The following PSAP variants were observed in gnomAD, a reference collection of about 807,000 sequenced individuals.
PSAP encodes the protein precursor of saposins.
A neutral mutation model predicts 66.0 loss-of-function variants in PSAP; 25 were observed. That is an observed-to-expected ratio of 0.38 (90% CI 0.28 to 0.53). The LOEUF is 0.53. Ranked by LOEUF, PSAP falls within the 20% of genes least tolerant of loss-of-function variation. The pLI, the probability that PSAP is intolerant of heterozygous loss-of-function variation, is 0.83. For missense variants in PSAP, 649 were observed against 668.8 expected, an observed-to-expected ratio of 0.97 and a Z score of 0.33; for synonymous variants, 273 against 258.9, an observed-to-expected ratio of 1.05 and a Z score of -0.52.
At chr10:71,838,828 C>T (rs1156478586) in intron 1 of PSAP, among the ~76,000 whole-genome samples, 1 of 152,040 alleles carries the variant, frequency 6.6e-6, no homozygotes, top group African/African-American at 2.4e-5. Flanking sequence ...CAAGCAGAAA[C>T]AAAATGCATA....
At chr10:71,821,746 A>C in intron 8 of PSAP, 130 bp downstream of exon 8, 1 of 1,286,770 alleles carries the variant, frequency 7.8e-7, no homozygotes, top group South Asian at 1.3e-5. Flanking sequence ...AGTGATCACA[A>C]ACTCAAAGAC....
At chr10:71,835,821 GAAAA>G (rs758665607) in intron 1 of PSAP, among the ~76,000 whole-genome samples, 4 of 49,416 alleles carry the variant, frequency 8.1e-5, no homozygotes, top group African/African-American at 2.6e-4. Flanking sequence ...GTCTGAGACA[GAAAA>G]AAAAAAAAAA....
chr10:71,836,003 G>A lies in PSAP; in HGVS notation c.41-1498C>T, dbSNP rs562770497. On this transcript the variant is annotated intron_variant, in intron 1 of 13. Coordinates refer to ENST00000394936, the MANE Select transcript of PSAP (RefSeq NM_002778.4). ...TCCAGGAGAGGGTAAGGAATGAACT[G>A]CTTTCTTTCATTACTACCTCCACAA... 6.6e-5 allele frequency among the ~76,000 whole-genome samples: 10 copies of A among 152,230 alleles called. No homozygotes were observed. In the South Asian group the frequency reaches 2.1e-3, roughly 32 times the overall value.
At chr10:71,819,242 G>C (rs1341749069) in intron 11 of PSAP, 131 bp from the exon 12 acceptor site, 1 of 1,045,092 alleles carries the variant, frequency 9.6e-7, no homozygotes, top group South Asian at 1.3e-5. Context: ...CTGGGTCCTG[G>C]GGCCTCCCTT....
Position 71,819,598 on chromosome 10 carries a change from C to A in PSAP, c.1217G>T (p.Gly406Val). The A allele has an allele frequency of 1.2e-6, 2 of 1,614,202 alleles. No homozygotes were observed. Among genetic ancestry groups the A allele is most frequent in the Non-Finnish European group, 8.5e-7 (1 of 1,180,044 alleles). The change falls in exon 11 of 14, where the codon GGT (glycine) becomes GTT (valine). Residue 406 changes from glycine to valine, a missense_variant. Coordinates refer to ENST00000394936, the MANE Select transcript of PSAP (RefSeq NM_002778.4). The part of the protein sequence containing the change: ...LTVHVTQPKD[G>V]GFCEVCKKLV... Reference sequence around the variant, plus strand: ...CTTCTTGCACACTTCGCAGAAGCCACCGTCCTTTGGCTGAGTCACGTGAAC... The same window carrying A: ...CTTCTTGCACACTTCGCAGAAGCCAACGTCCTTTGGCTGAGTCACGTGAAC...
chr10:71,820,720 C>T (rs570765265), intron 8 of PSAP, among the ~76,000 whole-genome samples: 2 of 152,282 alleles, frequency 1.3e-5, no homozygotes, highest in South Asian at 2.1e-4. Context: ...GAGGGGCTCA[C>T]TATCGGTCCA....
chr10:71,850,973 T>G (rs1842916775), intron 1 of PSAP, among the ~76,000 whole-genome samples: 1 of 152,156 alleles, frequency 6.6e-6, no homozygotes, highest in African/African-American at 2.4e-5. Context: ...TGGGCCGTCC[T>G]CCCGGGGGCA....
chr10:71,850,976 C>CG (rs1256817870), intron 1 of PSAP, among the ~76,000 whole-genome samples: 3 of 152,230 alleles, frequency 2.0e-5, no homozygotes, highest in African/African-American at 7.2e-5. Context: ...GCCGTCCTCC[C>CG]GGGGGCATTT....
At chr10:71,819,921 G>C (rs56214505) in intron 9 of PSAP, 21 bp from the exon 10 acceptor site, 2 of 1,607,318 alleles carry the variant, frequency 1.2e-6, no homozygotes, top group Non-Finnish European at 1.7e-6. Context: ...CGAGAGGATC[G>C]TGTGAGAAGA....
intron 12 of PSAP, 139 bp from the exon 13 acceptor site, chr10:71,818,863 G>T: frequency 9.7e-7 from 1 of 1,032,152 alleles, no homozygotes; most frequent in Non-Finnish European, 1.5e-6. Context: ...CAGGGTTGCT[G>T]AGGAAAGCGA....
intron 4 of PSAP, among the ~76,000 whole-genome samples, chr10:71,830,042 TGGA>T (rs939415576): frequency 3.9e-5 from 6 of 152,164 alleles, no homozygotes; most frequent in African/African-American, 7.2e-5. Flanking sequence ...AGCTTCTTGC[TGGA>T]GGAGAAGAGT....
rs759590269 is a variant in PSAP, at chr10:71,851,217, T to C, written c.5A>G (p.Tyr2Cys). 8.4e-6 allele frequency: 13 copies of C among 1,550,968 alleles called. No homozygotes were observed. The Admixed American group carries it at 1.6e-4, about 19-fold the overall frequency. Residue 2 changes from tyrosine to cysteine, a missense_variant, in exon 1 of 14, where the codon TAC (tyrosine) becomes TGC (cysteine). Coordinates refer to ENST00000394936, the MANE Select transcript of PSAP (RefSeq NM_002778.4). ...GAGGCTGGCCAGGAGGAAGAGGGCG[T>C]ACATAGCGCCGTCTGACTCCGCAGT... Reference protein sequence around the residue: MYALFLLASLLG... With the variant: MCALFLLASLLG...
At chr10:71,818,183 G>A (rs1486006987) in intron 13 of PSAP, among the ~76,000 whole-genome samples, 1 of 152,226 alleles carries the variant, frequency 6.6e-6, no homozygotes, top group African/African-American at 2.4e-5. Flanking sequence ...CTGCTGGGCA[G>A]GGGCCAGTTC....
At chr10:71,821,491 G>A (rs1282093720) in intron 8 of PSAP, among the ~76,000 whole-genome samples, 6 of 152,160 alleles carry the variant, frequency 3.9e-5, no homozygotes, top group Non-Finnish European at 5.9e-5. Flanking sequence ...TGAGGCTTCC[G>A]TACACTCTGA....
intron 1 of PSAP, among the ~76,000 whole-genome samples, chr10:71,846,518 A>C (rs1842827393): frequency 6.6e-6 from 1 of 151,744 alleles, no homozygotes; most frequent in Non-Finnish European, 1.5e-5. Flanking sequence ...TGAGGTCAGG[A>C]GTTTGAGACC....
chr10:71,849,400 G>C (rs936963346), intron 1 of PSAP, among the ~76,000 whole-genome samples: 2 of 152,122 alleles, frequency 1.3e-5, no homozygotes, highest in African/African-American at 4.8e-5. Context: ...GGTTAAAAAT[G>C]GCAGCCAGCC....
At chr10:71,851,067 C>G in intron 1 of PSAP, 115 bp downstream of exon 1, 1 of 1,249,636 alleles carries the variant, frequency 8.0e-7, no homozygotes, top group African/African-American at 1.5e-5. Context: ...AGTGCGCGCG[C>G]CCCCTTGCCA....
chr10:71,829,527 C>T (rs769070506), intron 4 of PSAP, among the ~76,000 whole-genome samples: 4 of 152,336 alleles, frequency 2.6e-5, no homozygotes, highest in African/African-American at 4.8e-5. Flanking sequence ...GGCTTTGCTC[C>T]TCCTTCACCT....
At chr10:71,845,469 C>T (rs1347596648) in intron 1 of PSAP, among the ~76,000 whole-genome samples, 5 of 152,128 alleles carry the variant, frequency 3.3e-5, no homozygotes. Context: ...GTAGAATATA[C>T]TACTATTTGT....
Sources: allele counts gnomAD v4.1 joint callset (sites outside exome capture counted in the v4.1 genomes callset), GRCh38; gene constraint gnomAD v4.1.1; transcripts MANE v1.5; gene names NCBI Gene and HGNC (gene_info 2026-07-23, HGNC 2026-07-21).